CHD2: variants seen among roughly 807,000 people sequenced by gnomAD.
CHD2 encodes the protein chromodomain helicase DNA binding protein 2, also known as ATP-dependent chromatin remodeler CHD2.
A neutral mutation model predicts 243.9 loss-of-function variants in CHD2; 28 were observed. That is an observed-to-expected ratio of 0.11 (90% CI 0.09 to 0.16). The LOEUF is 0.16. CHD2 is among the 10% of genes least tolerant of loss of function. CHD2 has a pLI of 1.00. For missense variants in CHD2, 1,386 were observed against 2,209.8 expected, an observed-to-expected ratio of 0.63 and a Z score of 7.47; for synonymous variants, 775 against 779.0, an observed-to-expected ratio of 0.99 and a Z score of 0.09.
intron 5 of CHD2, among the ~76,000 whole-genome samples, chr15:92,931,626 T>C (rs903691299): frequency 1.3e-5 from 2 of 152,168 alleles, no homozygotes; most frequent in African/African-American, 2.4e-5. Flanking sequence ...CCTCTCACCT[T>C]GCTCTCCAAA....
At chr15:93,004,420 A>G (rs2054294843) in intron 33 of CHD2, 197 bp from the exon 34 acceptor site, 2 of 442,172 alleles carry the variant, frequency 4.5e-6, no homozygotes, top group Admixed American at 4.1e-5. Flanking sequence ...AGAGATGGAA[A>G]TGGGAATAAT....
chr15:92,934,842 AC>A (rs1301773098), intron 5 of CHD2, among the ~76,000 whole-genome samples: 2 of 151,798 alleles, frequency 1.3e-5, no homozygotes, highest in Non-Finnish European at 1.5e-5. Flanking sequence ...TTTTTCAAAT[AC>A]TCCCAGGACG....
intron 13 of CHD2, among the ~76,000 whole-genome samples, chr15:92,949,609 T>A (rs2053524962): frequency 1.3e-5 from 2 of 152,090 alleles, no homozygotes; most frequent in African/African-American, 4.8e-5. Flanking sequence ...TAAGACCACG[T>A]TAATCTTGGG....
At chr15:92,988,756 AT>A (rs561222520) in intron 26 of CHD2, among the ~76,000 whole-genome samples, 4 of 148,598 alleles carry the variant, frequency 2.7e-5, no homozygotes, top group Admixed American at 6.7e-5. Flanking sequence ...CTCACCAGTG[AT>A]TTTTTTTTTC....
chr15:92,931,181 C>T (rs1596384883), intron 5 of CHD2, among the ~76,000 whole-genome samples: 2 of 152,130 alleles, frequency 1.3e-5, no homozygotes, highest in Non-Finnish European at 2.9e-5. Context: ...GAAATATTGG[C>T]ACAAAGAAAT....
chr15:92,931,622 A>G (rs1596385240), intron 5 of CHD2, among the ~76,000 whole-genome samples: 1 of 151,980 alleles, frequency 6.6e-6, no homozygotes, highest in Non-Finnish European at 1.5e-5. Context: ...TTATCCTCTC[A>G]CCTTGCTCTC....
intron 2 of CHD2, among the ~76,000 whole-genome samples, chr15:92,906,480 A>T (rs1182045083): frequency 6.6e-6 from 1 of 152,152 alleles, no homozygotes; most frequent in Non-Finnish European, 1.5e-5. Flanking sequence ...TTTTATCATT[A>T]GTTTACTCTC....
chr15:92,955,480 A>T lies in CHD2; in HGVS notation c.1777A>T (p.Ile593Leu). The change falls in exon 15 of 39, where the codon ATA (isoleucine) becomes TTA (leucine). Residue 593 changes from isoleucine (I) to leucine (L), a missense_variant. This residue lies in a region of CHD2 where 63 missense variants were observed against 108.8 expected (regional missense o/e 0.58). Coordinates refer to ENST00000394196, the MANE Select transcript of CHD2 (RefSeq NM_001271.4). The part of the protein sequence containing the change: ...QTKRLKFNAL[I>L]TTYEILLKDK... Reference sequence around the variant, plus strand: ...CAAAAGATTGAAGTTCAACGCACTTATAACAACATATGAGATCCTCTTGAA... The same window carrying T: ...CAAAAGATTGAAGTTCAACGCACTTTTAACAACATATGAGATCCTCTTGAA... 6.3e-7 allele frequency: 1 copy of T among 1,598,456 alleles called. No individual in the cohort carries two copies. The highest frequency in any genetic ancestry group is 8.5e-7 in the Non-Finnish European group (1 of 1,174,556).
At chr15:92,904,859 T>G in intron 2 of CHD2, 1 of 1,526,976 alleles carries the variant, frequency 6.5e-7, no homozygotes, top group South Asian at 1.2e-5. Context: ...AGGCGGATAC[T>G]TTTATTTTAG....
chr15:92,974,772 T>C (rs1389436722), intron 19 of CHD2, 107 bp from the exon 20 acceptor site: 6 of 985,630 alleles, frequency 6.1e-6, no homozygotes, highest in South Asian at 4.2e-5. Context: ...TTTGCAGTTA[T>C]TTTTACTCAG....
rs1356176785 is a variant in CHD2 at position 92,998,689 on chromosome 15, A to G, written c.4008+68A>G. The G allele has an allele frequency of 9.6e-6, 15 of 1,566,986 alleles. No homozygotes were observed. Among genetic ancestry groups the G allele is most frequent in the Non-Finnish European group, 1.3e-5 (15 of 1,151,018 alleles). On this transcript the variant is annotated intron_variant, in intron 31 of 38. Transcript: ENST00000394196. This position sits in a 1 kb window ranked among gnomAD's most constrained non-coding sequence, Gnocchi z 5.1. ...TCCTACCCTGCAGAATTAGGTAGGAAGAGAGAGGCCCTCTCTGAGCACTGC... is the reference window on the plus strand; with the variant it reads ...TCCTACCCTGCAGAATTAGGTAGGAGGAGAGAGGCCCTCTCTGAGCACTGC...
rs150104422 is a variant in CHD2, at chr15:93,015,956, A to G, written c.4906+1047A>G. On this transcript the variant is annotated intron_variant, in intron 37 of 38. Transcript: ENST00000394196. Reference sequence around the variant, plus strand: ...TGGAAAACAATGCAGAGATGCCTCAAAAAAATCACAAACAGAACTACCATA... The same window carrying G: ...TGGAAAACAATGCAGAGATGCCTCAGAAAAATCACAAACAGAACTACCATA... 1.4e-4 allele frequency among the ~76,000 whole-genome samples: 21 copies of G among 152,336 alleles called. No homozygotes were observed. In the East Asian group the frequency reaches 3.3e-3, roughly 24 times the overall value.
At chr15:92,901,462 C>A in intron 2 of CHD2, 163 bp downstream of exon 2, 1 of 612,606 alleles carries the variant, frequency 1.6e-6, no homozygotes, top group Non-Finnish European at 2.9e-6. Context: ...TAATATGCCA[C>A]ACCCTAATTT....
chr15:92,963,446 C>T (rs2053715718), intron 16 of CHD2, among the ~76,000 whole-genome samples: 1 of 152,188 alleles, frequency 6.6e-6, no homozygotes, highest in African/African-American at 2.4e-5. Flanking sequence ...GCTCCATTTT[C>T]ACTTCCTTAT....
At chr15:92,972,137 TG>T in intron 18 of CHD2, 127 bp from the exon 19 acceptor site, 1 of 1,088,212 alleles carries the variant, frequency 9.2e-7, no homozygotes, top group East Asian at 2.6e-5. Context: ...CGGGAATTGC[TG>T]GTCAAGCAGG....
At chr15:92,987,386 C>T (rs950551678) in intron 26 of CHD2, among the ~76,000 whole-genome samples, 10 of 151,970 alleles carry the variant, frequency 6.6e-5, no homozygotes, top group Admixed American at 5.9e-4. Flanking sequence ...TCGCTGGAGC[C>T]TAGGAGTTTG....
intron 5 of CHD2, among the ~76,000 whole-genome samples, chr15:92,933,679 C>T (rs1003197257): frequency 6.6e-6 from 1 of 152,196 alleles, no homozygotes; most frequent in Admixed American, 6.5e-5. Flanking sequence ...ATTCACAGCT[C>T]ACTGCAGCTT....
At chr15:92,953,791 G>T in intron 14 of CHD2, 2 of 541,538 alleles carry the variant, frequency 3.7e-6, no homozygotes, top group South Asian at 2.4e-5. Flanking sequence ...GTATGTGAGT[G>T]GGAATCTCTT....
Position 92,944,495 on chromosome 15 carries a change from A to T in CHD2, c.1133A>T (p.Gln378Leu), listed in dbSNP as rs1249403093. The change falls in exon 10 of 39, where the codon CAG becomes CTG. Residue 378 changes from glutamine (Q) to leucine (L), a missense_variant. Gln to Leu is a moderately radical substitution (Grantham distance 113). Coordinates refer to ENST00000394196, the MANE Select transcript of CHD2 (RefSeq NM_001271.4). Reference protein sequence around the residue: ...ELASELNKQYQIVERVIAVKT... With the variant: ...ELASELNKQYLIVERVIAVKT... The stretch of plus-strand genomic sequence containing the variant: ...GCTTCAGAGTTGAATAAACAGTATC[A>T]GATAGTAGAAAGAGTAATAGGTAAG... The T allele has an allele frequency of 6.3e-7, 1 of 1,595,474 alleles. No homozygotes were observed. Among genetic ancestry groups the T allele is most frequent in the Non-Finnish European group, 8.6e-7 (1 of 1,164,512 alleles).
Sources: gnomAD v4.1 joint callset for allele counts (sites outside exome capture counted in the v4.1 genomes callset) on GRCh38, gnomAD v4.1.1 for gene constraint, gnomAD v4.1.1 regional missense constraint, Gnocchi (gnomAD v3.1) non-coding constraint, MANE v1.5 for transcripts, NCBI Gene and HGNC (gene_info 2026-07-23, HGNC 2026-07-21) for gene names.